The following CYRIB variants were observed in gnomAD, a reference collection of about 807,000 sequenced individuals.
CYRIB encodes the protein CYFIP-related Rac1 interactor B.
CYRIB carries 8 observed loss-of-function variants against 44.2 expected under a neutral mutation model. The observed-to-expected ratio is 0.18, with a 90% CI of 0.11 to 0.33. The LOEUF (loss-of-function observed/expected upper bound fraction) is 0.33, where lower values mean the gene tolerates loss of function less well. CYRIB is among the 10% of genes least tolerant of loss of function. CYRIB has a pLI of 1.00. For missense variants in CYRIB, 185 were observed against 382.8 expected, an observed-to-expected ratio of 0.48 and a Z score of 4.31; for synonymous variants, 131 against 127.2, an observed-to-expected ratio of 1.03 and a Z score of -0.20.
chr8:129,991,652 T>C (rs971401014), intron 1 of CYRIB, among the ~76,000 whole-genome samples: 1 of 152,074 alleles, frequency 6.6e-6, no homozygotes, highest in African/African-American at 2.4e-5. Flanking sequence ...TCCAGAACTG[T>C]AAGAAATAAA....
intron 1 of CYRIB, among the ~76,000 whole-genome samples, chr8:130,013,252 G>A (rs895765666): frequency 6.6e-6 from 1 of 152,196 alleles, no homozygotes; most frequent in African/African-American, 2.4e-5. Context: ...ACACATCCCC[G>A]TGACACATGC....
chr8:129,894,931 T>TATA (rs1564772032), intron 2 of CYRIB, among the ~76,000 whole-genome samples: 2 of 149,614 alleles, frequency 1.3e-5, no homozygotes, highest in African/African-American at 4.9e-5. Flanking sequence ...ATATATATAT[T>TATA]TTTTTAATTA....
chr8:129,869,053 AT>A (rs1467520988), intron 4 of CYRIB, among the ~76,000 whole-genome samples: 5 of 102,780 alleles, frequency 4.9e-5, no homozygotes, highest in Non-Finnish European at 1.0e-4. Context: ...AGAGTTCTAT[AT>A]TTAAAAAAAA....
intron 1 of CYRIB, among the ~76,000 whole-genome samples, chr8:130,002,526 C>T (rs1185828164): frequency 6.6e-6 from 1 of 152,066 alleles, no homozygotes; most frequent in Non-Finnish European, 1.5e-5. Context: ...ATAAAAGTAA[C>T]ATAATCACAT....
chr8:129,917,762 C>A (rs1456639416), intron 1 of CYRIB, among the ~76,000 whole-genome samples: 2 of 152,110 alleles, frequency 1.3e-5, no homozygotes, highest in Admixed American at 1.3e-4. Context: ...GAGGCTGAGA[C>A]AGGAGAATTG....
chr8:129,879,522 C>T (rs1940192808), intron 2 of CYRIB, 51 bp from the exon 5 acceptor site: 1 of 1,318,550 alleles, frequency 7.6e-7, no homozygotes, highest in African/African-American at 1.5e-5. Flanking sequence ...TAAAAAAGAA[C>T]ATCTGAAGTT....
intron 11 of CYRIB, among the ~76,000 whole-genome samples, chr8:129,845,451 A>G (rs890479887): frequency 6.6e-6 from 1 of 152,250 alleles, no homozygotes; most frequent in Non-Finnish European, 1.5e-5. Flanking sequence ...AAAAACCCCA[A>G]GAATACAGAA....
At chr8:129,981,028 A>G (rs960378377) in intron 1 of CYRIB, among the ~76,000 whole-genome samples, 6 of 152,160 alleles carry the variant, frequency 3.9e-5, no homozygotes, top group African/African-American at 1.4e-4. Context: ...ACAAAACAAC[A>G]TAATATGAAG....
At chr8:129,948,324 G>GGAT (rs1294142254) in intron 2 of CYRIB, among the ~76,000 whole-genome samples, 1 of 152,098 alleles carries the variant, frequency 6.6e-6, no homozygotes, top group African/African-American at 2.4e-5. Context: ...TTTTCCCAAG[G>GGAT]GATAGGCTGT....
intron 2 of CYRIB, chr8:129,894,698 G>A (rs2067042144): frequency 6.6e-6 from 1 of 152,150 alleles, no homozygotes; most frequent in Non-Finnish European, 1.5e-5. Flanking sequence ...CAGCCTAGTG[G>A]TGGCAGCAGC....
At chr8:130,005,976 T>A (rs887708781) in intron 1 of CYRIB, among the ~76,000 whole-genome samples, 1 of 152,084 alleles carries the variant, frequency 6.6e-6, no homozygotes, top group African/African-American at 2.4e-5. Flanking sequence ...GACAGGGACC[T>A]CTGCATCAGA....
chr8:129,852,101 A>T, intron 8 of CYRIB, 61 bp downstream of exon 10: 2 of 1,014,804 alleles, frequency 2.0e-6, no homozygotes, highest in Non-Finnish European at 2.8e-6. Flanking sequence ...GCTTGCTGAC[A>T]TCACGTCTGC....
chr8:129,851,187 G>A (rs1164550296), intron 8 of CYRIB: 4 of 402,814 alleles, frequency 9.9e-6, no homozygotes, highest in Non-Finnish European at 1.8e-5. Context: ...GGTCAAAGGT[G>A]TAGAGTTTTA....
intron 1 of CYRIB, among the ~76,000 whole-genome samples, chr8:129,924,557 CACG>C (rs2086297341): frequency 6.6e-6 from 1 of 151,982 alleles, no homozygotes; most frequent in South Asian, 2.1e-4. Flanking sequence ...ATTTTTTGTC[CACG>C]ACTAGCCTTT....
upstream of CYRIB, among the ~76,000 whole-genome samples, chr8:129,941,208 G>A (rs1299390022): frequency 4.6e-5 from 7 of 151,778 alleles, no homozygotes; most frequent in Admixed American, 2.0e-4. Context: ...CATACTTCAG[G>A]AGGATTCAGG....
At chr8:129,905,230 G>GATTA (rs1206388575) in intron 1 of CYRIB, among the ~76,000 whole-genome samples, 1 of 151,842 alleles carries the variant, frequency 6.6e-6, no homozygotes, top group Non-Finnish European at 1.5e-5. Context: ...TTGATTGATT[G>GATTA]ATTTTGAGAT....
At chr8:129,864,767 G>C (rs531289000) in intron 4 of CYRIB, 1 of 399,346 alleles carries the variant, frequency 2.5e-6, no homozygotes, top group South Asian at 2.0e-5. Context: ...CATTGCTAAG[G>C]AGTGAGCTGG....
chr8:129,950,367 CG>C (rs2094442492), intron 2 of CYRIB, among the ~76,000 whole-genome samples: 1 of 152,072 alleles, frequency 6.6e-6, no homozygotes, highest in Non-Finnish European at 1.5e-5. Flanking sequence ...GTCAGGAGTT[CG>C]AGACCAGCCT....
chr8:130,003,311 G>A (rs1358939671), intron 1 of CYRIB, among the ~76,000 whole-genome samples: 1 of 152,162 alleles, frequency 6.6e-6, no homozygotes, highest in East Asian at 1.9e-4. Context: ...TTCCCAAAGT[G>A]GGTTCCCTGG....
Sources: allele counts gnomAD v4.1 joint callset (sites outside exome capture counted in the v4.1 genomes callset), GRCh38; gene constraint gnomAD v4.1.1; transcripts MANE v1.5; gene names NCBI Gene and HGNC (gene_info 2026-07-23, HGNC 2026-07-21).